TENM4: variants seen among roughly 807,000 people sequenced by gnomAD.
TENM4 encodes teneurin-4.
TENM4 carries 82 observed loss-of-function variants against 243.3 expected under a neutral mutation model. The ratio of observed to expected loss-of-function variants is 0.34; its 90% CI spans 0.28 to 0.40. The LOEUF is 0.40. Among genes scored for constraint, TENM4 ranks in the 10% least tolerant of loss-of-function variants. The pLI, the probability that TENM4 is intolerant of heterozygous loss-of-function variation, is 1.00. For synonymous variants in TENM4, 1,412 were observed against 1,456.3 expected (o/e 0.97, Z 0.69); for missense variants, 3,138 against 3,673.3 (o/e 0.85, Z 3.77).
At chr11:78,687,734 CA>C (rs1324120044) in intron 29 of TENM4, among the ~76,000 whole-genome samples, 1 of 152,184 alleles carries the variant, frequency 6.6e-6, no homozygotes, top group Non-Finnish European at 1.5e-5. Flanking sequence ...TCCTCACCTA[CA>C]CCAGTGTGAG....
At chr11:79,215,519 C>T (rs1427247458) in intron 3 of TENM4, among the ~76,000 whole-genome samples, 1 of 152,132 alleles carries the variant, frequency 6.6e-6, no homozygotes, top group African/African-American at 2.4e-5. Flanking sequence ...CTGCCAGCAC[C>T]CCCATCACAT....
At chr11:78,918,940 G>T (rs772821544) in intron 6 of TENM4, among the ~76,000 whole-genome samples, 11 of 152,162 alleles carry the variant, frequency 7.2e-5, no homozygotes, top group Non-Finnish European at 1.6e-4. Flanking sequence ...TCACTCAGCT[G>T]TGTGGTCTAG....
At position 79,212,244 on chromosome 11, in the gene TENM4, A is replaced by T. The variant is rs145340670; in HGVS notation, c.-163+3564T>A. On this transcript the variant is annotated intron_variant, in intron 3 of 33. Transcript: ENST00000278550. The stretch of plus-strand genomic sequence containing the variant: ...CTGAAAAAATGGACCATGGATCTGA[A>T]AGTGCTCTGAGGCACGGGCCATCAT... Among the ~76,000 whole-genome samples the T allele has an allele frequency of 2.0e-4, 31 of 152,278 alleles. No homozygotes were observed. In the East Asian group the frequency reaches 5.8e-3, roughly 28 times the overall value.
At chr11:78,980,790 T>C (rs1475627475) in intron 6 of TENM4, among the ~76,000 whole-genome samples, 1 of 152,216 alleles carries the variant, frequency 6.6e-6, no homozygotes, top group Non-Finnish European at 1.5e-5. Context: ...AAGAGTTCTA[T>C]GAGAGCTCTA....
intron 1 of TENM4, among the ~76,000 whole-genome samples, chr11:79,403,349 A>C (rs1163695346): frequency 6.6e-6 from 1 of 152,212 alleles, no homozygotes; most frequent in African/African-American, 2.4e-5. Context: ...TTTATACAGC[A>C]CTTTACATTT....
At chr11:79,346,363 G>A (rs1326923296) in intron 1 of TENM4, among the ~76,000 whole-genome samples, 1 of 152,000 alleles carries the variant, frequency 6.6e-6, no homozygotes, top group South Asian at 2.1e-4. Context: ...ACCTGCCTTC[G>A]GGGGTGTTTG....
chr11:79,283,167 G>A (rs971216948), intron 2 of TENM4, among the ~76,000 whole-genome samples: 2 of 150,382 alleles, frequency 1.3e-5, no homozygotes, highest in Non-Finnish European at 2.9e-5. Context: ...TATGAGACCA[G>A]CATTATTCTG....
chr11:78,877,847 CTTACTA>C (rs1222103327), intron 9 of TENM4, among the ~76,000 whole-genome samples: 1 of 152,180 alleles, frequency 6.6e-6, no homozygotes, highest in Non-Finnish European at 1.5e-5. Context: ...ATGAGTGGCT[CTTACTA>C]TTAAGAACTA....
intron 12 of TENM4, among the ~76,000 whole-genome samples, chr11:78,819,822 T>G (rs1857687407): frequency 6.6e-6 from 1 of 152,182 alleles, no homozygotes; most frequent in Admixed American, 6.5e-5. Flanking sequence ...TCTCCTTAAA[T>G]TATAAAAGTG....
chr11:78,980,728 C>G (rs1309935868), intron 6 of TENM4, among the ~76,000 whole-genome samples: 1 of 152,132 alleles, frequency 6.6e-6, no homozygotes, highest in Non-Finnish European at 1.5e-5. Context: ...AGTTACTTTA[C>G]TTATAGAAAA....
chr11:79,110,053 C>T (rs11823339), intron 4 of TENM4, among the ~76,000 whole-genome samples: 29,491 of 152,140 alleles, frequency 0.19, 2,952 homozygotes, highest in African/African-American at 0.23. Context: ...ACTTATTCAC[C>T]GAAACCTAGT....
chr11:79,164,767 A>G (rs1862872086), intron 3 of TENM4, among the ~76,000 whole-genome samples: 1 of 151,464 alleles, frequency 6.6e-6, no homozygotes, highest in Non-Finnish European at 1.5e-5. Context: ...TGATGGGTTT[A>G]TCAGGGGTTT....
At chr11:79,340,279 C>T (rs1386393273) in intron 1 of TENM4, among the ~76,000 whole-genome samples, 1 of 152,154 alleles carries the variant, frequency 6.6e-6, no homozygotes, top group Non-Finnish European at 1.5e-5. Flanking sequence ...GGAGTTGATC[C>T]TCCAGGTGCT....
chr11:79,029,737 G>A (rs926669049), intron 6 of TENM4, among the ~76,000 whole-genome samples: 5 of 152,138 alleles, frequency 3.3e-5, no homozygotes, highest in African/African-American at 1.2e-4. Context: ...GAAACACGGG[G>A]AGGGCATAAA....
intron 32 of TENM4, among the ~76,000 whole-genome samples, chr11:78,663,339 A>G (rs1858076566): frequency 6.6e-6 from 1 of 152,134 alleles, no homozygotes; most frequent in South Asian, 2.1e-4. Context: ...CTAGGATGAT[A>G]TAGTTTGAAT....
intron 19 of TENM4, among the ~76,000 whole-genome samples, chr11:78,749,012 G>A (rs1056967482): frequency 1.3e-5 from 2 of 152,136 alleles, no homozygotes; most frequent in Admixed American, 6.5e-5. Context: ...AGCTGTTCCC[G>A]CTGCACCACA....
chr11:79,140,307 T>A lies in TENM4; in HGVS notation c.-66+8403A>T, dbSNP rs570425369. On this transcript the variant is annotated intron_variant, in intron 4 of 33. Coordinates refer to ENST00000278550, the MANE Select transcript of TENM4 (RefSeq NM_001098816.3). ...CTTCTTTGAAGACATACCATCCCCT[T>A]CCCTCCGGGCTCCCTACCCCCAAGG... Among the ~76,000 whole-genome samples, 202 of 152,182 alleles carry A rather than the reference T, an allele frequency of 1.3e-3. 2 individuals are homozygous for A. Among genetic ancestry groups the A allele is most frequent in the Non-Finnish European group, 2.3e-3 (159 of 68,002 alleles).
chr11:78,950,861 A>T (rs896218724), intron 6 of TENM4, among the ~76,000 whole-genome samples: 1 of 152,254 alleles, frequency 6.6e-6, no homozygotes, highest in African/African-American at 2.4e-5. Flanking sequence ...CCACACTCTT[A>T]GCTCTTCTGC....
At chr11:79,074,001 G>T (rs1393909724) in intron 4 of TENM4, among the ~76,000 whole-genome samples, 1 of 152,096 alleles carries the variant, frequency 6.6e-6, no homozygotes, top group Non-Finnish European at 1.5e-5. Flanking sequence ...CCTCTTATCA[G>T]TGTGTGCCTG....
Sources: gnomAD v4.1 joint callset for allele counts (sites outside exome capture counted in the v4.1 genomes callset) on GRCh38, gnomAD v4.1.1 for gene constraint, MANE v1.5 for transcripts, NCBI Gene and HGNC (gene_info 2026-07-23, HGNC 2026-07-21) for gene names.